The following GPC5 variants were observed in gnomAD, a reference collection of about 807,000 sequenced individuals.
The protein encoded by GPC5 is glypican 5.
In GPC5, 47 loss-of-function variants were observed where a neutral mutation model predicts 53.9. The ratio of observed to expected loss-of-function variants is 0.87; its 90% CI spans 0.69 to 1.11. The LOEUF is 1.11. Among genes scored for constraint, GPC5 ranks in the 50% most tolerant of loss-of-function variants. GPC5 has a pLI of 0.00. For synonymous variants in GPC5, 286 were observed against 263.3 expected (o/e 1.09, Z -0.84); for missense variants, 748 against 713.1 (o/e 1.05, Z -0.56).
chr13:92,583,397 C>T (rs1883431952), intron 7 of GPC5, among the ~76,000 whole-genome samples: 1 of 152,134 alleles, frequency 6.6e-6, no homozygotes, highest in Non-Finnish European at 1.5e-5. Flanking sequence ...CCTACTCTGT[C>T]AGTCAGTTTA....
intron 1 of GPC5, among the ~76,000 whole-genome samples, chr13:91,438,147 G>A (rs1880132065): frequency 6.6e-6 from 1 of 150,922 alleles, no homozygotes; most frequent in Admixed American, 6.6e-5. Flanking sequence ...ATTGTCTGAA[G>A]CCTTTTCTCA....
chr13:91,847,856 G>T (rs1391532053), intron 5 of GPC5, among the ~76,000 whole-genome samples: 3 of 152,064 alleles, frequency 2.0e-5, no homozygotes, highest in Non-Finnish European at 2.9e-5. Flanking sequence ...ATACCTTTTA[G>T]TGACCATAAA....
intron 7 of GPC5, among the ~76,000 whole-genome samples, chr13:92,347,756 A>T (rs763006835): frequency 5.0e-5 from 7 of 139,470 alleles, no homozygotes; most frequent in Non-Finnish European, 9.1e-5. Context: ...AAGTGATGTA[A>T]ATTCTGACCT....
chr13:92,400,485 G>C (rs1875506289), intron 7 of GPC5, among the ~76,000 whole-genome samples: 1 of 152,130 alleles, frequency 6.6e-6, no homozygotes, highest in South Asian at 2.1e-4. Context: ...AAATCCATTT[G>C]CTTTTTCAAA....
At chr13:91,434,391 A>T (rs1262860825) in intron 1 of GPC5, among the ~76,000 whole-genome samples, 3 of 152,046 alleles carry the variant, frequency 2.0e-5, no homozygotes, top group Non-Finnish European at 4.4e-5. Flanking sequence ...AGGTGTAAGG[A>T]AGGGATCCAG....
At chr13:92,719,562 A>G (rs980319442) in intron 7 of GPC5, among the ~76,000 whole-genome samples, 1 of 152,192 alleles carries the variant, frequency 6.6e-6, no homozygotes, top group Non-Finnish European at 1.5e-5. Flanking sequence ...AACCTATTTT[A>G]AACATTTTAC....
At chr13:91,824,748 C>T (rs2038549693) in intron 5 of GPC5, among the ~76,000 whole-genome samples, 1 of 152,012 alleles carries the variant, frequency 6.6e-6, no homozygotes, top group African/African-American at 2.4e-5. Flanking sequence ...TGATGGATCA[C>T]ATCTGGCATA....
chr13:92,471,483 A>C (rs540369388), intron 7 of GPC5, among the ~76,000 whole-genome samples: 1 of 152,162 alleles, frequency 6.6e-6, no homozygotes, highest in Non-Finnish European at 1.5e-5. Context: ...TTTATAGGTA[A>C]GCCATCCAGG....
intron 6 of GPC5, among the ~76,000 whole-genome samples, chr13:91,928,908 T>C (rs1295266887): frequency 6.6e-6 from 1 of 152,174 alleles, no homozygotes; most frequent in Non-Finnish European, 1.5e-5. Flanking sequence ...TAACCAATCA[T>C]TTAAAATTTT....
At chr13:92,273,130 A>T (rs1479120467) in intron 7 of GPC5, among the ~76,000 whole-genome samples, 1 of 152,112 alleles carries the variant, frequency 6.6e-6, no homozygotes, top group Non-Finnish European at 1.5e-5. Flanking sequence ...ATTTCTTCTT[A>T]GTCACAATGT....
At chr13:91,415,164 G>A (rs1878104107) in intron 1 of GPC5, among the ~76,000 whole-genome samples, 1 of 152,046 alleles carries the variant, frequency 6.6e-6, no homozygotes, top group African/African-American at 2.4e-5. Context: ...CCTCTGCTTG[G>A]GCCATGTGTC....
chr13:92,414,276 G>T (rs910790924), intron 7 of GPC5, among the ~76,000 whole-genome samples: 4 of 151,704 alleles, frequency 2.6e-5, no homozygotes, highest in African/African-American at 9.7e-5. Context: ...AGGCTGAGGT[G>T]GGCTGATCAC....
At chr13:92,716,329 T>C (rs1425617302) in intron 7 of GPC5, among the ~76,000 whole-genome samples, 1 of 152,138 alleles carries the variant, frequency 6.6e-6, no homozygotes, top group Non-Finnish European at 1.5e-5. Context: ...ATGCTTACAA[T>C]TGATTTCTTA....
At chr13:92,765,880 ATTT>A (rs1875385951) in intron 7 of GPC5, among the ~76,000 whole-genome samples, 1 of 151,816 alleles carries the variant, frequency 6.6e-6, no homozygotes. Flanking sequence ...AAGAAAATAA[ATTT>A]TATTAATATA....
intron 7 of GPC5, among the ~76,000 whole-genome samples, chr13:92,623,983 T>C (rs1884963684): frequency 6.6e-6 from 1 of 151,870 alleles, no homozygotes; most frequent in Admixed American, 6.6e-5. Context: ...GCCTCCCAAG[T>C]AGCTGGCATT....
chr13:91,670,351 C>A (rs2035215581), intron 2 of GPC5, among the ~76,000 whole-genome samples: 1 of 152,060 alleles, frequency 6.6e-6, no homozygotes, highest in Non-Finnish European at 1.5e-5. Flanking sequence ...TAAACAGGGA[C>A]ACGAATGTAT....
rs1566432612 is a variant in GPC5 at position 92,095,161 on chromosome 13, G to A, written c.1402-49669G>A. On this transcript the variant is annotated intron_variant, in intron 6 of 7. Transcript: ENST00000377067. ...CTGTGCATTATCAATAGAAGAAATAGGATAAGATAGAGGCAAGGAATATAC... is the reference window on the plus strand; with the variant it reads ...CTGTGCATTATCAATAGAAGAAATAAGATAAGATAGAGGCAAGGAATATAC... Among the ~76,000 whole-genome samples the A allele has an allele frequency of 3.9e-5, 6 of 152,194 alleles. No homozygotes were observed. The South Asian group carries it at 1.2e-3, about 32-fold the overall frequency.
At position 92,457,919 on chromosome 13, in the gene GPC5, A is replaced by G. The variant is rs754226571; in HGVS notation, c.1561+312930A>G. On this transcript the variant is annotated intron_variant, in intron 7 of 7. Transcript: ENST00000377067. ...TACACTATTCCACGCAGAACTGACTATTGCTTCCTCTCTGTCCTGCGTTGT... is the reference window on the plus strand; with the variant it reads ...TACACTATTCCACGCAGAACTGACTGTTGCTTCCTCTCTGTCCTGCGTTGT... Among the ~76,000 whole-genome samples, 54 of 152,102 alleles carry G rather than the reference A, an allele frequency of 3.6e-4. 1 individual carries two copies. Among genetic ancestry groups the G allele is most frequent in the Non-Finnish European group, 6.9e-4 (47 of 67,996 alleles).
intron 7 of GPC5, among the ~76,000 whole-genome samples, chr13:92,752,560 C>A (rs576293901): frequency 6.6e-6 from 1 of 152,254 alleles, no homozygotes; most frequent in South Asian, 2.1e-4. Context: ...GTGATTTCTG[C>A]ATTTCCATCT....
Sources: gnomAD v4.1 joint callset for allele counts (sites outside exome capture counted in the v4.1 genomes callset) on GRCh38, gnomAD v4.1.1 for gene constraint, MANE v1.5 for transcripts, NCBI Gene and HGNC (gene_info 2026-07-23, HGNC 2026-07-21) for gene names.